The following CA10 variants were observed in gnomAD, a reference collection of about 807,000 sequenced individuals.
CA10 encodes carbonic anhydrase-related protein 10.
A neutral mutation model predicts 44.2 loss-of-function variants in CA10; 14 were observed. The ratio of observed to expected loss-of-function variants is 0.32; its 90% CI spans 0.21 to 0.50. The LOEUF is 0.50. Ranked by LOEUF, CA10 falls within the 20% of genes least tolerant of loss-of-function variation. The probability of loss-of-function intolerance (pLI) is 0.99; values close to 1 mark genes in which losing one functional copy is unlikely to be tolerated. For synonymous variants in CA10, 159 were observed against 141.6 expected (o/e 1.12, Z -0.87); for missense variants, 350 against 409.7 (o/e 0.85, Z 1.26).
chr17:51,761,896 AC>A (rs1370172541), intron 3 of CA10: 5 of 152,194 alleles, frequency 3.3e-5, no homozygotes, highest in African/African-American at 9.7e-5. Flanking sequence ...GAAGCCCTTA[AC>A]AAGTGAGGTG....
chr17:51,933,651 C>T (rs891876961), intron 2 of CA10, among the ~76,000 whole-genome samples: 2 of 152,078 alleles, frequency 1.3e-5, no homozygotes, highest in African/African-American at 4.8e-5. Context: ...CACCCCTTTA[C>T]CTTTAAAACT....
At chr17:51,741,609 G>A (rs1904463734) in intron 4 of CA10, among the ~76,000 whole-genome samples, 1 of 152,184 alleles carries the variant, frequency 6.6e-6, no homozygotes, top group Non-Finnish European at 1.5e-5. Context: ...TGACTGAGTT[G>A]TTGATTCAGT....
intron 2 of CA10, among the ~76,000 whole-genome samples, chr17:52,061,735 C>T (rs762211769): frequency 1.2e-4 from 19 of 152,178 alleles, no homozygotes; most frequent in Non-Finnish European, 1.8e-4. Flanking sequence ...CATTCACCTT[C>T]CGCCATGATT....
intron 4 of CA10, among the ~76,000 whole-genome samples, chr17:51,745,719 G>A (rs1371342528): frequency 6.6e-6 from 1 of 152,168 alleles, no homozygotes; most frequent in Non-Finnish European, 1.5e-5. Flanking sequence ...ACAATGTAAA[G>A]ATTTTAGCCT....
At chr17:51,693,998 A>C (rs112077301) in intron 4 of CA10, among the ~76,000 whole-genome samples, 6,606 of 152,214 alleles carry the variant, frequency 0.043, 195 homozygotes, top group African/African-American at 0.065. Context: ...TGAGGTTGAG[A>C]GTTCGAGACC....
chr17:51,827,453 A>T (rs1908062946), intron 3 of CA10, among the ~76,000 whole-genome samples: 1 of 152,184 alleles, frequency 6.6e-6, no homozygotes, highest in African/African-American at 2.4e-5. Flanking sequence ...TTGGTCTTAG[A>T]ATTGATGGAA....
chr17:52,074,212 T>A (rs1213209177), intron 1 of CA10, among the ~76,000 whole-genome samples: 2 of 152,084 alleles, frequency 1.3e-5, no homozygotes, highest in African/African-American at 4.8e-5. Context: ...TTAAATAAAA[T>A]TCACGGACAG....
intron 3 of CA10, among the ~76,000 whole-genome samples, chr17:51,840,501 ACACACACACACACACG>A (rs774325139): frequency 6.9e-6 from 1 of 144,388 alleles, no homozygotes; most frequent in African/African-American, 2.6e-5. Flanking sequence ...ACACACACAC[ACACACACACACACACG>A]TACTATAGTT....
At chr17:51,796,214 C>A (rs1381458852) in intron 3 of CA10, among the ~76,000 whole-genome samples, 1 of 151,720 alleles carries the variant, frequency 6.6e-6, no homozygotes, top group African/African-American at 2.4e-5. Context: ...GTGTTCCAAT[C>A]CTGTTCTTTT....
At chr17:51,891,235 T>A (rs570863288) in intron 3 of CA10, among the ~76,000 whole-genome samples, 30 of 152,070 alleles carry the variant, frequency 2.0e-4, no homozygotes, top group African/African-American at 6.3e-4. Context: ...TGGGAGGGGT[T>A]GTTGGTAGTG....
At chr17:51,787,525 C>T (rs1273540286) in intron 3 of CA10, among the ~76,000 whole-genome samples, 1 of 151,020 alleles carries the variant, frequency 6.6e-6, no homozygotes, top group Non-Finnish European at 1.5e-5. Context: ...ACCCTCCTCT[C>T]TGTCACCCAG....
chr17:51,644,182 T>A (rs1228336950), intron 6 of CA10, among the ~76,000 whole-genome samples: 2 of 152,210 alleles, frequency 1.3e-5, no homozygotes, highest in South Asian at 2.1e-4. Flanking sequence ...CCCTTTTTTT[T>A]TTTCCTGGTC....
chr17:52,042,712 T>C lies in CA10; in HGVS notation c.136+29607A>G, dbSNP rs1044663731. ...GGAGCTTTCCCCCTATGTTTACTTC[T>C]AGGAGTATTAGTTTCAAATGTCACA... On this transcript the variant is annotated intron_variant, in intron 2 of 8. Coordinates refer to ENST00000451037, the MANE Select transcript of CA10 (RefSeq NM_020178.5). Among the ~76,000 whole-genome samples, 3 of 152,022 alleles carry C rather than the reference T, an allele frequency of 2.0e-5. No homozygotes were observed. In the South Asian group the frequency reaches 6.3e-4, roughly 32 times the overall value.
intron 2 of CA10, among the ~76,000 whole-genome samples, chr17:52,042,386 G>A (rs1490289834): frequency 6.6e-6 from 1 of 151,692 alleles, no homozygotes; most frequent in East Asian, 1.9e-4. Context: ...TCAATTGTAT[G>A]CCTTTTTTAA....
intron 1 of CA10, among the ~76,000 whole-genome samples, chr17:52,079,203 G>A (rs374296908): frequency 2.6e-5 from 4 of 151,944 alleles, no homozygotes; most frequent in Admixed American, 1.3e-4. Context: ...GGAGAATGGC[G>A]TGAACCGGGG....
chr17:51,684,819 G>T (rs1480987230), intron 4 of CA10, among the ~76,000 whole-genome samples: 7 of 152,178 alleles, frequency 4.6e-5, no homozygotes, highest in Admixed American at 2.6e-4. Flanking sequence ...CCTCCAAAGA[G>T]AATTTATAAT....
chr17:51,905,995 C>CT (rs1446099114), intron 3 of CA10, among the ~76,000 whole-genome samples: 11 of 152,116 alleles, frequency 7.2e-5, no homozygotes, highest in Admixed American at 1.3e-4. Context: ...CCAGCACCTC[C>CT]TTTCTTGGAT....
intron 1 of CA10, among the ~76,000 whole-genome samples, chr17:52,106,168 A>G (rs1366371476): frequency 1.3e-5 from 2 of 152,178 alleles, no homozygotes; most frequent in Non-Finnish European, 2.9e-5. Context: ...AAACGAATGG[A>G]TTACTAGGGA....
Position 52,158,081 on chromosome 17 carries a change from G to T in CA10, c.-295C>A. 1 of 519,726 alleles carries T rather than the reference G, an allele frequency of 1.9e-6. No individual in the cohort carries two copies. Among genetic ancestry groups the T allele is most frequent in the Non-Finnish European group, 3.5e-6 (1 of 289,600 alleles). 32.2% of individuals were successfully genotyped at this position (519,726 alleles called of 1,614,324 possible). A position where few individuals can be genotyped will look rare whatever the true frequency, so the allele number is the denominator to read the frequency against. ...TCGCGTGTCTCTTCTCTTCGCACCAGCGGCGGAAACCGCACTAGCAGCGGC... is the reference window on the plus strand; with the variant it reads ...TCGCGTGTCTCTTCTCTTCGCACCATCGGCGGAAACCGCACTAGCAGCGGC... On this transcript the variant is annotated 5_prime_UTR_variant, in exon 1 of 9. It adds an upstream start codon to the 5' untranslated region. Transcript: ENST00000451037.
Sources: gnomAD v4.1 joint callset for allele counts (sites outside exome capture counted in the v4.1 genomes callset) on GRCh38, gnomAD v4.1.1 for gene constraint, MANE v1.5 for transcripts, NCBI Gene and HGNC (gene_info 2026-07-23, HGNC 2026-07-21) for gene names.